Variants in RALY observed in about 807,000 individuals in gnomAD.
RALY encodes the protein RNA-binding protein Raly.
Under a neutral mutation model 30.7 loss-of-function variants are expected in RALY, and 15 were observed. The observed-to-expected ratio is 0.49, with a 90% CI of 0.33 to 0.75. The LOEUF is 0.75. RALY is among the 30% of genes least tolerant of loss of function. The pLI is 0.02. For missense variants in RALY, 339 were observed against 414.3 expected, an observed-to-expected ratio of 0.82 and a Z score of 1.58; for synonymous variants, 177 against 170.8, an observed-to-expected ratio of 1.04 and a Z score of -0.28.
At chr20:34,014,110 C>T (rs757990638) in intron 1 of RALY, among the ~76,000 whole-genome samples, 1 of 152,134 alleles carries the variant, frequency 6.6e-6, no homozygotes, top group South Asian at 2.1e-4. Flanking sequence ...ATTAAGTTTG[C>T]GTGCATGCTG....
rs888809439 is a variant in RALY at position 33,996,077 on chromosome 20, C to T, written c.-93+1946C>T. 3.3e-5 allele frequency among the ~76,000 whole-genome samples: 5 copies of T among 152,218 alleles called. 1 individual carries two copies. The highest frequency in any genetic ancestry group is 3.3e-4 in the Admixed American group (5 of 15,288). ...TTTATGTGTTTATGGCTTATATACT[C>T]TTCCATAACCATTATCTGATTTAAT... On this transcript the variant is annotated intron_variant, in intron 1 of 9. Transcript: ENST00000246194.
chr20:34,001,847 A>G (rs2030931171), intron 1 of RALY, among the ~76,000 whole-genome samples: 1 of 152,066 alleles, frequency 6.6e-6, no homozygotes, highest in Admixed American at 6.5e-5. Context: ...GCTCACTGCA[A>G]GCTCTGCCTC....
intron 2 of RALY, among the ~76,000 whole-genome samples, chr20:34,066,351 C>T (rs1439372649): frequency 6.6e-6 from 1 of 151,964 alleles, no homozygotes; most frequent in Non-Finnish European, 1.5e-5. Flanking sequence ...TGGTGGCGGG[C>T]ACCTGTAGTA....
chr20:34,061,111 T>C (rs2033403135), intron 2 of RALY, among the ~76,000 whole-genome samples: 1 of 152,216 alleles, frequency 6.6e-6, no homozygotes, highest in Non-Finnish European at 1.5e-5. Context: ...TCCTGGTGTT[T>C]GTCAAAGTAT....
chr20:34,065,909 C>T (rs2033556378), intron 2 of RALY, among the ~76,000 whole-genome samples: 1 of 152,144 alleles, frequency 6.6e-6, no homozygotes, highest in African/African-American at 2.4e-5. Flanking sequence ...GCAGCTCCTC[C>T]CTTGAAATGA....
At chr20:34,035,281 G>A (rs1246823652) in intron 2 of RALY, among the ~76,000 whole-genome samples, 2 of 150,202 alleles carry the variant, frequency 1.3e-5, no homozygotes, top group African/African-American at 4.9e-5. Flanking sequence ...TTCTGTGGTA[G>A]TTTTGGGTTC....
chr20:34,019,274 C>G (rs1222046699), intron 1 of RALY, among the ~76,000 whole-genome samples: 1 of 151,830 alleles, frequency 6.6e-6, no homozygotes, highest in Non-Finnish European at 1.5e-5. Context: ...TGCAGTGAGT[C>G]GAGATCATGC....
chr20:34,007,590 A>AG (rs775501022), intron 1 of RALY, among the ~76,000 whole-genome samples: 1 of 151,698 alleles, frequency 6.6e-6, no homozygotes, highest in Non-Finnish European at 1.5e-5. Context: ...GAGGCCAAGG[A>AG]GGGTGGATCA....
intron 2 of RALY, among the ~76,000 whole-genome samples, chr20:34,043,655 A>G (rs997882572): frequency 6.6e-5 from 10 of 152,008 alleles, no homozygotes; most frequent in Non-Finnish European, 1.5e-4. Flanking sequence ...ACCCTGTTCC[A>G]TGGGGGTTCA....
At chr20:34,062,786 C>G (rs1337149166) in intron 2 of RALY, among the ~76,000 whole-genome samples, 1 of 152,188 alleles carries the variant, frequency 6.6e-6, no homozygotes, top group African/African-American at 2.4e-5. Flanking sequence ...AACAGAATAG[C>G]TATAATCAAC....
chr20:34,034,028 G>C (rs148753759), intron 2 of RALY, among the ~76,000 whole-genome samples: 23 of 152,264 alleles, frequency 1.5e-4, no homozygotes, highest in Admixed American at 2.6e-4. Context: ...CATGAACCGT[G>C]GTATAGGATA....
intron 1 of RALY, among the ~76,000 whole-genome samples, chr20:34,017,216 T>C (rs1276907569): frequency 1.6e-5 from 2 of 127,632 alleles, no homozygotes; most frequent in Non-Finnish European, 3.4e-5. Flanking sequence ...TGTTAAATAC[T>C]GAGCCTCATT....
At chr20:34,058,807 G>A (rs2033333369) in intron 2 of RALY, among the ~76,000 whole-genome samples, 2 of 152,196 alleles carry the variant, frequency 1.3e-5, no homozygotes, top group African/African-American at 2.4e-5. Context: ...GGATTGTTGT[G>A]TATAGATTTG....
At chr20:34,001,779 T>A (rs951816476) in intron 1 of RALY, among the ~76,000 whole-genome samples, 2 of 152,172 alleles carry the variant, frequency 1.3e-5, no homozygotes, top group Non-Finnish European at 2.9e-5. Context: ...TGTTTCCTTT[T>A]TTTTTGAGAC....
intron 2 of RALY, among the ~76,000 whole-genome samples, chr20:34,054,472 G>A (rs755999827): frequency 6.6e-6 from 1 of 152,154 alleles, no homozygotes; most frequent in African/African-American, 2.4e-5. Flanking sequence ...CTACAGGGAC[G>A]TCACATCAGT....
At chr20:34,035,470 G>T (rs965646205) in intron 2 of RALY, among the ~76,000 whole-genome samples, 10 of 151,990 alleles carry the variant, frequency 6.6e-5, no homozygotes, top group Middle Eastern at 3.2e-3. Flanking sequence ...CGTGTAGGCA[G>T]TGATCAGAAG....
chr20:34,005,970 T>G (rs1346554432), intron 1 of RALY, among the ~76,000 whole-genome samples: 1 of 152,244 alleles, frequency 6.6e-6, no homozygotes, highest in East Asian at 1.9e-4. Context: ...ATTGTCTGGA[T>G]GTGCCACAGT....
chr20:34,072,576 C>G (rs546508593), intron 3 of RALY, among the ~76,000 whole-genome samples: 1 of 152,238 alleles, frequency 6.6e-6, no homozygotes, highest in African/African-American at 2.4e-5. Flanking sequence ...ACAGGCTTTA[C>G]AGTTCCAGTT....
At chr20:34,042,290 C>T (rs1005730332) in intron 2 of RALY, among the ~76,000 whole-genome samples, 5 of 152,278 alleles carry the variant, frequency 3.3e-5, no homozygotes, top group South Asian at 4.1e-4. Flanking sequence ...GTTCGTAAAA[C>T]GACACTGACC....
Sources: gnomAD v4.1 joint callset for allele counts (sites outside exome capture counted in the v4.1 genomes callset) on GRCh38, gnomAD v4.1.1 for gene constraint, MANE v1.5 for transcripts, NCBI Gene and HGNC (gene_info 2026-07-23, HGNC 2026-07-21) for gene names.